Variants in SEPTIN14 observed in about 807,000 individuals in gnomAD.
SEPTIN14 encodes septin 14, also known as septin-14.
Under a neutral mutation model 53.6 loss-of-function variants are expected in SEPTIN14, and 40 were observed. The observed-to-expected ratio is 0.75, with a 90% CI of 0.58 to 0.97. The LOEUF (loss-of-function observed/expected upper bound fraction) is 0.97, where lower values mean the gene tolerates loss of function less well. Among genes scored for constraint, SEPTIN14 ranks in the 50% least tolerant of loss-of-function variants. The pLI, the probability that SEPTIN14 is intolerant of heterozygous loss-of-function variation, is 0.00. For missense variants in SEPTIN14, 471 were observed against 508.2 expected (o/e 0.93, Z 0.70); for synonymous variants, 138 against 166.8 (o/e 0.83, Z 1.33).
intron 6 of SEPTIN14, among the ~76,000 whole-genome samples, chr7:55,820,501 C>A (rs1186196015): frequency 6.6e-6 from 1 of 152,096 alleles, no homozygotes; most frequent in African/African-American, 2.4e-5. Flanking sequence ...GGCACTTACA[C>A]CTCAGAAAAA....
intron 2 of SEPTIN14, among the ~76,000 whole-genome samples, 173 bp downstream of exon 2, chr7:55,861,770 A>C (rs1044660471): frequency 2.0e-5 from 3 of 152,164 alleles, no homozygotes; most frequent in Non-Finnish European, 2.9e-5. Flanking sequence ...CAATTATCTA[A>C]ATCACCATTG....
At chr7:55,862,514 T>C (rs146043478) in intron 1 of SEPTIN14, among the ~76,000 whole-genome samples, 174 bp downstream of exon 1, 1 of 152,290 alleles carries the variant, frequency 6.6e-6, no homozygotes, top group East Asian at 1.9e-4. Context: ...GACACTGAAC[T>C]AAAATAATGA....
chr7:55,823,748 A>G (rs1788936156), intron 6 of SEPTIN14, among the ~76,000 whole-genome samples: 2 of 152,190 alleles, frequency 1.3e-5, no homozygotes, highest in Admixed American at 1.3e-4. Flanking sequence ...CAGCCTAAGA[A>G]CTAGCCTATA....
At position 55,841,926 on chromosome 7, in the gene SEPTIN14, T is replaced by G. The variant is rs192313864; in HGVS notation, c.558+1016A>C. Among the ~76,000 whole-genome samples, 418 of 151,476 alleles carry G rather than the reference T, an allele frequency of 2.8e-3. 5 individuals carry two copies. Among genetic ancestry groups the G allele is most frequent in the Middle Eastern group, 0.01 (3 of 290 alleles). ...CTGTCAGGCCTATAGTCCCAGCTAC[T>G]TGGGAGGCTGAGGCCAGAGAATCAC... On this transcript the variant is annotated intron_variant, in intron 5 of 9. Transcript: ENST00000388975.
At chr7:55,826,750 C>T (rs1193526733) in intron 6 of SEPTIN14, among the ~76,000 whole-genome samples, 3 of 151,312 alleles carry the variant, frequency 2.0e-5, no homozygotes, top group Non-Finnish European at 4.4e-5. Flanking sequence ...TGAGCCGAGG[C>T]CATGCCATTG....
At chr7:55,809,602 G>A (rs912437652) in intron 7 of SEPTIN14, among the ~76,000 whole-genome samples, 29 of 150,828 alleles carry the variant, frequency 1.9e-4, no homozygotes, top group African/African-American at 6.6e-4. Context: ...GGTGATCCAC[G>A]TGCCTCAGCC....
intron 5 of SEPTIN14, among the ~76,000 whole-genome samples, chr7:55,841,659 C>T (rs1417862531): frequency 6.6e-6 from 1 of 151,978 alleles, no homozygotes; most frequent in Non-Finnish European, 1.5e-5. Flanking sequence ...AGTTCGAGAC[C>T]AGCTTGACCA....
chr7:55,800,697 G>C (rs1047532635), intron 9 of SEPTIN14, among the ~76,000 whole-genome samples: 2 of 152,090 alleles, frequency 1.3e-5, no homozygotes, highest in Non-Finnish European at 2.9e-5. Context: ...AGGGTGGTAG[G>C]GGTGGGGGGA....
chr7:55,860,144 A>C (rs1584277849), intron 2 of SEPTIN14, among the ~76,000 whole-genome samples: 1 of 150,444 alleles, frequency 6.6e-6, no homozygotes, highest in African/African-American at 2.4e-5. Flanking sequence ...ATGCCATTGC[A>C]CTCCAGCCTG....
At chr7:55,801,748 C>T (rs111536016) in intron 9 of SEPTIN14, among the ~76,000 whole-genome samples, 107 of 151,748 alleles carry the variant, frequency 7.1e-4, no homozygotes, top group African/African-American at 2.5e-3. Flanking sequence ...AGTGAGACCC[C>T]ATCTCTACTA....
chr7:55,821,022 C>T (rs1474812010), intron 6 of SEPTIN14, among the ~76,000 whole-genome samples: 3 of 152,172 alleles, frequency 2.0e-5, no homozygotes, highest in East Asian at 1.9e-4. Context: ...AATATTTACA[C>T]AGATAAAGAG....
At chr7:55,854,683 C>A (rs1187331535) in intron 2 of SEPTIN14, among the ~76,000 whole-genome samples, 1 of 152,146 alleles carries the variant, frequency 6.6e-6, no homozygotes, top group Non-Finnish European at 1.5e-5. Flanking sequence ...CCACCTCGGC[C>A]TCCCAAAGTG....
intron 9 of SEPTIN14, among the ~76,000 whole-genome samples, chr7:55,801,076 T>G (rs575227027): frequency 6.6e-6 from 1 of 152,066 alleles, no homozygotes; most frequent in African/African-American, 2.4e-5. Flanking sequence ...AAGAGTGAAG[T>G]TTATTGCAAT....
chr7:55,800,896 TG>T (rs1234337392), intron 9 of SEPTIN14, among the ~76,000 whole-genome samples: 1 of 152,184 alleles, frequency 6.6e-6, no homozygotes, highest in Non-Finnish European at 1.5e-5. Flanking sequence ...TTTAACTTGA[TG>T]TGATTATTAC....
chr7:55,815,472 A>G (rs1788775927), intron 7 of SEPTIN14, among the ~76,000 whole-genome samples: 1 of 152,222 alleles, frequency 6.6e-6, no homozygotes, highest in Non-Finnish European at 1.5e-5. Context: ...AGATCCGAAT[A>G]GACATTTCTC....
At chr7:55,844,083 G>A (rs1380192795) in intron 4 of SEPTIN14, among the ~76,000 whole-genome samples, 1 of 152,136 alleles carries the variant, frequency 6.6e-6, no homozygotes, top group Middle Eastern at 3.2e-3. Context: ...GCTGCAGTGA[G>A]CCAAGCTTGT....
At chr7:55,799,292 G>T (rs943556939) in intron 9 of SEPTIN14, among the ~76,000 whole-genome samples, 1 of 151,106 alleles carries the variant, frequency 6.6e-6, no homozygotes, top group Non-Finnish European at 1.5e-5. Flanking sequence ...GATCACTTGA[G>T]GTCAGGAGTT....
At chr7:55,820,006 G>A (rs1244245600) in intron 6 of SEPTIN14, among the ~76,000 whole-genome samples, 1 of 151,924 alleles carries the variant, frequency 6.6e-6, no homozygotes, top group Non-Finnish European at 1.5e-5. Flanking sequence ...AATAAATTAT[G>A]TTTGTTTTTT....
intron 2 of SEPTIN14, among the ~76,000 whole-genome samples, chr7:55,852,047 C>G (rs943970001): frequency 6.6e-6 from 1 of 150,440 alleles, no homozygotes; most frequent in Non-Finnish European, 1.5e-5. Context: ...GAGGCTGAGG[C>G]AGGAGAATGA....
Sources: allele counts gnomAD v4.1 joint callset (sites outside exome capture counted in the v4.1 genomes callset), GRCh38; gene constraint gnomAD v4.1.1; transcripts MANE v1.5; gene names NCBI Gene and HGNC (gene_info 2026-07-23, HGNC 2026-07-21).